The following DPYD variants were observed in gnomAD, a reference collection of about 807,000 sequenced individuals.
DPYD encodes the protein dihydropyrimidine dehydrogenase [NADP(+)].
DPYD carries 109 observed loss-of-function variants against 116.2 expected under a neutral mutation model. That is an observed-to-expected ratio of 0.94 (90% CI 0.80 to 1.10). The LOEUF (loss-of-function observed/expected upper bound fraction) is 1.10, where lower values mean the gene tolerates loss of function less well. DPYD is among the 50% of genes least tolerant of loss of function. DPYD has a pLI of 0.00. For synonymous variants in DPYD, 440 were observed against 432.0 expected (o/e 1.02, Z -0.23); for missense variants, 1,302 against 1,254.5 (o/e 1.04, Z -0.57).
At chr1:97,884,320 C>T (rs957754857) in intron 1 of DPYD, among the ~76,000 whole-genome samples, 1 of 151,952 alleles carries the variant, frequency 6.6e-6, no homozygotes, top group African/African-American at 2.4e-5. Context: ...TTCTGTCTAA[C>T]CAAATTAACA....
chr1:97,787,104 T>C (rs1667081087), intron 3 of DPYD, among the ~76,000 whole-genome samples: 1 of 152,164 alleles, frequency 6.6e-6, no homozygotes, highest in Non-Finnish European at 1.5e-5. Context: ...GAACATTTGG[T>C]CAATTACAGA....
intron 1 of DPYD, 22 bp downstream of exon 1, chr1:97,920,862 C>A (rs1175646085): frequency 1.3e-6 from 2 of 1,585,182 alleles, no homozygotes; most frequent in Non-Finnish European, 1.7e-6. Context: ...CCACCACCGA[C>A]GAGCCGGCGC....
intron 8 of DPYD, among the ~76,000 whole-genome samples, chr1:97,609,075 C>T (rs1285659345): frequency 6.6e-6 from 1 of 151,806 alleles, no homozygotes; most frequent in Non-Finnish European, 1.5e-5. Flanking sequence ...TTCCAAATGC[C>T]TTTGGTTTAA....
chr1:97,266,755 T>C (rs113194571), intron 18 of DPYD, among the ~76,000 whole-genome samples: 9 of 152,148 alleles, frequency 5.9e-5, no homozygotes, highest in African/African-American at 1.9e-4. Flanking sequence ...GTTCAATTCC[T>C]ACCTATGAGT....
intron 14 of DPYD, among the ~76,000 whole-genome samples, chr1:97,447,993 GTA>G (rs1676183085): frequency 6.6e-6 from 1 of 152,104 alleles, no homozygotes; most frequent in Non-Finnish European, 1.5e-5. Context: ...GGAGGCTGAG[GTA>G]GGAGGACTGC....
chr1:97,236,652 C>T (rs1182320973), intron 18 of DPYD, among the ~76,000 whole-genome samples: 1 of 151,566 alleles, frequency 6.6e-6, no homozygotes, highest in East Asian at 1.9e-4. Flanking sequence ...TATACATTTA[C>T]ACACACACAC....
intron 16 of DPYD, among the ~76,000 whole-genome samples, chr1:97,330,416 T>C (rs1309902878): frequency 2.6e-5 from 4 of 152,198 alleles, no homozygotes; most frequent in African/African-American, 9.6e-5. Context: ...GTGGGCTGCA[T>C]GTTATATAAC....
At chr1:97,461,283 G>A (rs7550959) in intron 13 of DPYD, among the ~76,000 whole-genome samples, 62,074 of 151,916 alleles carry the variant, frequency 0.41, 13,031 homozygotes, top group Middle Eastern at 0.52. Context: ...TATTTTGTGG[G>A]ACTTCCGTAT....
At chr1:97,758,037 C>T (rs1048171792) in intron 3 of DPYD, among the ~76,000 whole-genome samples, 2 of 152,044 alleles carry the variant, frequency 1.3e-5, no homozygotes, top group African/African-American at 4.8e-5. Flanking sequence ...AGACATCTCC[C>T]ATCACAAAAT....
chr1:97,592,453 G>A (rs750825353), intron 10 of DPYD, among the ~76,000 whole-genome samples: 2 of 152,076 alleles, frequency 1.3e-5, no homozygotes, highest in East Asian at 1.9e-4. Flanking sequence ...TGCAAGCTCC[G>A]CCTCCCGGGT....
intron 18 of DPYD, among the ~76,000 whole-genome samples, chr1:97,244,765 T>G (rs1174685674): frequency 6.6e-6 from 1 of 152,044 alleles, no homozygotes. Context: ...CAACCTTAAA[T>G]GTACTTTTAC....
At chr1:97,891,777 A>G (rs1406992385) in intron 1 of DPYD, among the ~76,000 whole-genome samples, 3 of 151,856 alleles carry the variant, frequency 2.0e-5, no homozygotes, top group African/African-American at 7.2e-5. Context: ...CTTGACCAAC[A>G]TGTCCTCTTT....
rs553098192 is a variant in DPYD at position 97,779,117 on chromosome 1, A to G, written c.234-38638T>C. Among the ~76,000 whole-genome samples, 24 of 152,226 alleles carry G rather than the reference A, an allele frequency of 1.6e-4. No individual in the cohort carries two copies. The South Asian group carries it at 4.8e-3, about 30-fold the overall frequency. ...AGAAAAACACTACATTTAAAAGGGTATTTTTAGATTTGGAACAAAATAATA... is the reference window on the plus strand; with the variant it reads ...AGAAAAACACTACATTTAAAAGGGTGTTTTTAGATTTGGAACAAAATAATA... On this transcript the variant is annotated intron_variant, in intron 3 of 22. Coordinates refer to ENST00000370192, the MANE Select transcript of DPYD (RefSeq NM_000110.4).
chr1:97,574,619 A>C (rs995609294), intron 10 of DPYD, among the ~76,000 whole-genome samples: 1 of 152,142 alleles, frequency 6.6e-6, no homozygotes, highest in Non-Finnish European at 1.5e-5. Context: ...TTTTGCCATA[A>C]AATCTGGATA....
At chr1:97,920,131 C>T (rs1674431765) in intron 1 of DPYD, among the ~76,000 whole-genome samples, 1 of 152,172 alleles carries the variant, frequency 6.6e-6, no homozygotes, top group Admixed American at 6.5e-5. Flanking sequence ...TGTAAAATCA[C>T]TGTTGATAAT....
intron 13 of DPYD, among the ~76,000 whole-genome samples, chr1:97,477,628 T>C (rs925125757): frequency 2.7e-5 from 2 of 73,632 alleles, no homozygotes; most frequent in Non-Finnish European, 5.9e-5. Context: ...TTTTTTTTTT[T>C]TTTAAGACGG....
intron 19 of DPYD, among the ~76,000 whole-genome samples, chr1:97,230,015 T>C (rs1482066502): frequency 3.3e-5 from 5 of 152,102 alleles, no homozygotes; most frequent in Admixed American, 1.3e-4. Context: ...TCAACCAAAA[T>C]TTACTATATT....
At chr1:97,362,125 T>C (rs372735093) in intron 16 of DPYD, among the ~76,000 whole-genome samples, 3 of 152,184 alleles carry the variant, frequency 2.0e-5, no homozygotes, top group East Asian at 1.9e-4. Context: ...ACAAAATCAA[T>C]GTGCAAAAAT....
intron 13 of DPYD, among the ~76,000 whole-genome samples, chr1:97,473,680 T>C (rs910546459): frequency 1.3e-5 from 2 of 152,108 alleles, no homozygotes; most frequent in African/African-American, 4.8e-5. Context: ...TCATACACTA[T>C]TGGCAGTAAT....
Sources: gnomAD v4.1 joint callset for allele counts (sites outside exome capture counted in the v4.1 genomes callset) on GRCh38, gnomAD v4.1.1 for gene constraint, MANE v1.5 for transcripts, NCBI Gene and HGNC (gene_info 2026-07-23, HGNC 2026-07-21) for gene names.